NRG4: variants seen among roughly 807,000 people sequenced by gnomAD.
NRG4 encodes the protein pro-neuregulin-4, membrane-bound isoform.
In NRG4, 10 loss-of-function variants were observed where a neutral mutation model predicts 15.0. The ratio of observed to expected loss-of-function variants is 0.67; its 90% confidence interval spans 0.41 to 1.13. NRG4 has a LOEUF of 1.13. NRG4 is among the 50% of genes most tolerant of loss of function. The pLI, the probability that NRG4 is intolerant of heterozygous loss-of-function variation, is 0.00. For synonymous variants in NRG4, 41 were observed against 50.1 expected (o/e 0.82, Z 0.77); for missense variants, 139 against 140.2 (o/e 0.99, Z 0.04).
intron 3 of NRG4, among the ~76,000 whole-genome samples, chr15:75,971,478 CTT>C: frequency 6.6e-6 from 1 of 152,314 alleles, no homozygotes; most frequent in Admixed American, 6.5e-5. Flanking sequence ...TGTGTTTACT[CTT>C]GACTTGTGCC....
At position 75,992,257 on chromosome 15, in the gene NRG4, T is replaced by G. The variant is rs142127109; in HGVS notation, c.104+16943A>C. On this transcript the variant is annotated intron_variant, in intron 3 of 5. Coordinates refer to ENST00000394907, the MANE Select transcript of NRG4 (RefSeq NM_138573.4). ...GTACTCATTATGTACCTCACCTAAG[T>G]TGAGATTTAAGAGACAGTTTTATAT... Among the ~76,000 whole-genome samples, 396 of 152,298 alleles carry G rather than the reference T, an allele frequency of 2.6e-3. 7 individuals carry two copies. Among genetic ancestry groups the G allele is most frequent in the Admixed American group, 0.022 (333 of 15,294 alleles).
intron 4 of NRG4, among the ~76,000 whole-genome samples, chr15:76,038,456 C>T (rs951417642): frequency 1.3e-5 from 2 of 152,164 alleles, no homozygotes; most frequent in African/African-American, 4.8e-5. Context: ...CTTAAGTGAA[C>T]ATTGGTGGTA....
At chr15:75,953,316 G>A (rs2032025265) in intron 5 of NRG4, among the ~76,000 whole-genome samples, 1 of 152,128 alleles carries the variant, frequency 6.6e-6, no homozygotes, top group Non-Finnish European at 1.5e-5. Flanking sequence ...TTTAAAAAAT[G>A]CATTTACTAT....
chr15:75,944,786 C>A (rs2031367976), intron 5 of NRG4, among the ~76,000 whole-genome samples: 1 of 151,354 alleles, frequency 6.6e-6, no homozygotes, highest in African/African-American at 2.4e-5. Flanking sequence ...TGGTTATTTG[C>A]TTATAGTTAT....
At chr15:76,028,203 A>G (rs370190692) in intron 5 of NRG4, among the ~76,000 whole-genome samples, 2 of 152,116 alleles carry the variant, frequency 1.3e-5, no homozygotes, top group East Asian at 3.8e-4. Flanking sequence ...AAAATACAAA[A>G]GACCAATGAA....
At chr15:75,936,330 A>C (rs1328202423), downstream of NRG4, 1 of 152,240 alleles carries the variant, frequency 6.6e-6, no homozygotes, top group African/African-American at 2.4e-5. Flanking sequence ...TAAAATAAGC[A>C]TTAGTAATAA....
chr15:75,960,157 T>C (rs562444330), intron 4 of NRG4, among the ~76,000 whole-genome samples: 1 of 152,180 alleles, frequency 6.6e-6, no homozygotes, highest in Non-Finnish European at 1.5e-5. Flanking sequence ...ACACAATTCA[T>C]TATCCAATCA....
rs145025456 is a variant in NRG4 at position 76,000,284 on chromosome 15, T to C, written c.104+8916A>G. On this transcript the variant is annotated intron_variant, in intron 3 of 5. Coordinates refer to ENST00000394907, the MANE Select transcript of NRG4 (RefSeq NM_138573.4). ...ACCAGAAAACAACTGCATGGAAAAC[T>C]AAATCCCATAAGCTAGGTAAAAGGA... Among the ~76,000 whole-genome samples, 9 of 152,284 alleles carry C rather than the reference T, an allele frequency of 5.9e-5. No homozygotes were observed. In the East Asian group the frequency reaches 1.5e-3, roughly 26 times the overall value.
At chr15:76,028,179 T>C (rs916005468) in intron 5 of NRG4, among the ~76,000 whole-genome samples, 1 of 150,430 alleles carries the variant, frequency 6.6e-6, no homozygotes, top group African/African-American at 2.4e-5. Flanking sequence ...CAGAAATAAA[T>C]AAAATTGAGA....
At chr15:76,011,156 T>A in intron 2 of NRG4, 65 bp downstream of exon 2, 1 of 1,254,310 alleles carries the variant, frequency 8.0e-7, no homozygotes, top group Non-Finnish European at 1.0e-6. Context: ...AATATACATT[T>A]TTGATTGTTG....
chr15:76,026,621 T>C (rs1454111935), intron 5 of NRG4, among the ~76,000 whole-genome samples: 3 of 152,100 alleles, frequency 2.0e-5, no homozygotes, highest in Non-Finnish European at 4.4e-5. Context: ...GTAGAACTGA[T>C]ATACAAAGGA....
intron 4 of NRG4, among the ~76,000 whole-genome samples, chr15:75,958,867 G>A (rs2032373202): frequency 6.6e-6 from 1 of 152,104 alleles, no homozygotes; most frequent in Non-Finnish European, 1.5e-5. Flanking sequence ...CTGCTCTGGG[G>A]CATTGAACAC....
intron 2 of NRG4, among the ~76,000 whole-genome samples, chr15:76,055,471 T>C (rs2036130733): frequency 6.6e-6 from 1 of 152,232 alleles, no homozygotes; most frequent in South Asian, 2.1e-4. Flanking sequence ...AAGAATCTAC[T>C]GTTTAAATGC....
Position 76,037,685 on chromosome 15 carries a change from G to A in NRG4, c.-104-1694C>T, listed in dbSNP as rs546284221. 6.6e-4 allele frequency among the ~76,000 whole-genome samples: 100 copies of A among 152,222 alleles called. 2 individuals are homozygous for A. The highest frequency in any genetic ancestry group is 5.0e-3 in the South Asian group (24 of 4,820). On this transcript the variant is annotated intron_variant, in intron 4 of 8. Coordinates refer to the NRG4 transcript ENST00000563910. ...TGGAGCCAGTGGACTTACCGGTCAT[G>A]AGACTTACTGAGACACAAGCCAGGG...
At chr15:75,999,775 C>T (rs569555155) in intron 3 of NRG4, among the ~76,000 whole-genome samples, 2 of 152,264 alleles carry the variant, frequency 1.3e-5, no homozygotes, top group African/African-American at 2.4e-5. Flanking sequence ...GTGGCTTATA[C>T]CTATAATCCC....
intron 3 of NRG4, among the ~76,000 whole-genome samples, chr15:75,974,342 G>A (rs1287014252): frequency 6.6e-6 from 1 of 152,028 alleles, no homozygotes; most frequent in African/African-American, 2.4e-5. Context: ...AGTTTTTGAA[G>A]GATTTTTCGT....
rs570520630 is a variant in NRG4 at position 76,050,924 on chromosome 15, G to A, written c.-105+1143C>T. The stretch of plus-strand genomic sequence containing the variant: ...GGGCTCACGCTATCCTCCCACCTTA[G>A]CCTACCAAGTAGCCAGGACCACAGG... On this transcript the variant is annotated intron_variant, in intron 4 of 8. Transcript: ENST00000563910. Among the ~76,000 whole-genome samples, 368 of 149,950 alleles carry A rather than the reference G, an allele frequency of 2.5e-3. 7 individuals are homozygous for A. The highest frequency in any genetic ancestry group is 4.4e-3 in the South Asian group (21 of 4,810).
chr15:75,945,703 C>T (rs549912375), intron 5 of NRG4: 1 of 152,128 alleles, frequency 6.6e-6, no homozygotes, highest in Non-Finnish European at 1.5e-5. Context: ...TTAATAATGG[C>T]ATCTCTTTCA....
chr15:76,013,113 G>A (rs1168452222), upstream of NRG4, among the ~76,000 whole-genome samples: 3 of 152,016 alleles, frequency 2.0e-5, no homozygotes, highest in Non-Finnish European at 2.9e-5. Flanking sequence ...TTTCTAAAAC[G>A]ACAATTCAGA....
Sources: gnomAD v4.1 joint callset for allele counts (sites outside exome capture counted in the v4.1 genomes callset) on GRCh38, gnomAD v4.1.1 for gene constraint, MANE v1.5 for transcripts, NCBI Gene and HGNC (gene_info 2026-07-23, HGNC 2026-07-21) for gene names.